TRDN: variants seen among roughly 807,000 people sequenced by gnomAD.
TRDN encodes the protein triadin.
Under a neutral mutation model 149.7 loss-of-function variants are expected in TRDN, and 161 were observed. The observed-to-expected ratio is 1.08, with a 90% CI of 0.95 to 1.23. The LOEUF is 1.23. Among genes scored for constraint, TRDN ranks in the 50% most tolerant of loss-of-function variants. The pLI is 0.00. For missense variants in TRDN, 896 were observed against 823.5 expected (o/e 1.09, Z -1.08); for synonymous variants, 294 against 250.5 (o/e 1.17, Z -1.64).
chr6:123,266,962 C>T (rs1174271495), intron 32 of TRDN, among the ~76,000 whole-genome samples: 2 of 148,390 alleles, frequency 1.3e-5, no homozygotes, highest in Admixed American at 1.4e-4. Context: ...AAAAAATTAG[C>T]TGGGCATGGT....
intron 8 of TRDN, chr6:123,502,149 TC>T: frequency 2.0e-6 from 2 of 984,204 alleles, no homozygotes; most frequent in Non-Finnish European, 2.4e-6. Flanking sequence ...TGAACAGCAA[TC>T]TAAAGTGTAA....
At chr6:123,281,983 A>G (rs906998823) in intron 24 of TRDN, among the ~76,000 whole-genome samples, 3 of 151,972 alleles carry the variant, frequency 2.0e-5, no homozygotes, top group African/African-American at 7.2e-5. Flanking sequence ...TTTTGCAGTT[A>G]TAATTAAGTT....
intron 27 of TRDN, among the ~76,000 whole-genome samples, chr6:123,273,586 T>C (rs1332198646): frequency 1.3e-5 from 2 of 151,946 alleles, no homozygotes; most frequent in Non-Finnish European, 2.9e-5. Context: ...AAATAAATAA[T>C]AAAATACTAA....
At chr6:123,560,010 A>G (rs72980563) in intron 2 of TRDN, among the ~76,000 whole-genome samples, 36,626 of 152,178 alleles carry the variant, frequency 0.24, 5,421 homozygotes, top group Non-Finnish European at 0.32. Flanking sequence ...GACAGACCCC[A>G]TGACTTCAGT....
Position 123,635,115 on chromosome 6 carries a change from A to C in TRDN, c.22+1639T>G, listed in dbSNP as rs564740914. On this transcript the variant is annotated intron_variant, in intron 1 of 40. Coordinates refer to ENST00000334268, the MANE Select transcript of TRDN (RefSeq NM_006073.4). ...GCCCAAACCCTGAACAGAGGTAGAGAAACAGAAGATTAAGACGCTCGTAGC... is the reference window on the plus strand; with the variant it reads ...GCCCAAACCCTGAACAGAGGTAGAGCAACAGAAGATTAAGACGCTCGTAGC... Among the ~76,000 whole-genome samples, 5 of 152,164 alleles carry C rather than the reference A, an allele frequency of 3.3e-5. No homozygotes were observed. The East Asian group carries it at 9.7e-4, about 29-fold the overall frequency.
intron 1 of TRDN, among the ~76,000 whole-genome samples, chr6:123,586,118 A>C (rs113817691): frequency 0.19 from 28,489 of 152,078 alleles, 3,025 homozygotes; most frequent in African/African-American, 0.29. Context: ...AAGAGTCTAA[A>C]TGCTCACTGA....
At chr6:123,471,111 C>G (rs1777126513) in intron 9 of TRDN, 1 of 152,110 alleles carries the variant, frequency 6.6e-6, no homozygotes, top group East Asian at 1.9e-4. Flanking sequence ...AATGTATGGT[C>G]AATGAAAATC....
At chr6:123,364,015 G>GT (rs1375542833) in intron 20 of TRDN, among the ~76,000 whole-genome samples, 1 of 152,196 alleles carries the variant, frequency 6.6e-6, no homozygotes, top group Non-Finnish European at 1.5e-5. Flanking sequence ...AGGTCAAGCT[G>GT]TAACCAATCT....
At chr6:123,349,603 T>C (rs1780380606) in intron 21 of TRDN, 3 of 896,484 alleles carry the variant, frequency 3.3e-6, no homozygotes, top group Non-Finnish European at 4.0e-6. Flanking sequence ...CTAAATCTTC[T>C]GTTTTACTTC....
chr6:123,600,844 G>T (rs1176964956), intron 1 of TRDN, among the ~76,000 whole-genome samples: 1 of 152,034 alleles, frequency 6.6e-6, no homozygotes, highest in Non-Finnish European at 1.5e-5. Flanking sequence ...CTAGAGAAAA[G>T]AATTCTGCCT....
chr6:123,272,929 GTTAT>G (rs779333683), intron 29 of TRDN, 31 bp downstream of exon 29: 9 of 1,436,816 alleles, frequency 6.3e-6, no homozygotes, highest in Non-Finnish European at 7.5e-6. Context: ...ACATTGAGAG[GTTAT>G]TTGAGACTAC....
At chr6:123,466,043 C>T (rs773516862) in intron 9 of TRDN, among the ~76,000 whole-genome samples, 1 of 152,164 alleles carries the variant, frequency 6.6e-6, no homozygotes. Context: ...GTTCTTGTAG[C>T]TGTTACACCC....
At chr6:123,554,398 G>A (rs1181035918) in intron 2 of TRDN, among the ~76,000 whole-genome samples, 1 of 152,044 alleles carries the variant, frequency 6.6e-6, no homozygotes, top group African/African-American at 2.4e-5. Flanking sequence ...TTTGGTATGT[G>A]AGGAAAGTTA....
intron 20 of TRDN, among the ~76,000 whole-genome samples, chr6:123,357,001 C>T (rs1337203186): frequency 6.6e-6 from 1 of 150,726 alleles, no homozygotes; most frequent in Non-Finnish European, 1.5e-5. Context: ...ATTTCTCTTC[C>T]TTCTACTTTC....
chr6:123,634,128 G>A (rs9490843), intron 1 of TRDN, among the ~76,000 whole-genome samples: 6,506 of 152,054 alleles, frequency 0.043, 153 homozygotes, highest in African/African-American at 0.047. Context: ...TTTCAGTAAT[G>A]TGTCCAAAAG....
chr6:123,534,021 T>G (rs1344847674), intron 4 of TRDN, among the ~76,000 whole-genome samples: 2 of 152,120 alleles, frequency 1.3e-5, no homozygotes, highest in Non-Finnish European at 2.9e-5. Context: ...TTCCTGATTC[T>G]GCACTTCAGC....
At chr6:123,585,052 A>G (rs543496728) in intron 1 of TRDN, among the ~76,000 whole-genome samples, 17,733 of 149,732 alleles carry the variant, frequency 0.12, 1,149 homozygotes, top group African/African-American at 0.17. Context: ...CATTGATTGG[A>G]GTAAGGGTGA....
At chr6:123,310,595 G>A (rs1156669598) in intron 24 of TRDN, among the ~76,000 whole-genome samples, 1 of 151,962 alleles carries the variant, frequency 6.6e-6, no homozygotes, top group African/African-American at 2.4e-5. Flanking sequence ...AAAAAGAAAG[G>A]TGAAGGATGT....
At chr6:123,531,658 T>C (rs1229499588) in intron 4 of TRDN, among the ~76,000 whole-genome samples, 1 of 152,070 alleles carries the variant, frequency 6.6e-6, no homozygotes, top group Non-Finnish European at 1.5e-5. Flanking sequence ...GTGATGAAGA[T>C]ATGAACAGGT....
Sources: allele counts gnomAD v4.1 joint callset (sites outside exome capture counted in the v4.1 genomes callset), GRCh38; gene constraint gnomAD v4.1.1; transcripts MANE v1.5; gene names NCBI Gene and HGNC (gene_info 2026-07-23, HGNC 2026-07-21).